The following RBM19 variants were observed in gnomAD, a reference collection of about 807,000 sequenced individuals.
The protein encoded by RBM19 is RNA binding motif protein 19.
In RBM19, 94 loss-of-function variants were observed where a neutral mutation model predicts 116.8. That is an observed-to-expected ratio of 0.80 (90% CI 0.68 to 0.95). RBM19 has a LOEUF of 0.95. Among genes scored for constraint, RBM19 ranks in the 40% least tolerant of loss-of-function variants. The pLI, the probability that RBM19 is intolerant of heterozygous loss-of-function variation, is 0.00. For synonymous variants in RBM19, 475 were observed against 494.1 expected (o/e 0.96, Z 0.51); for missense variants, 1,161 against 1,220.7 (o/e 0.95, Z 0.73).
At chr12:113,913,455 T>C (rs148957524) in intron 21 of RBM19, among the ~76,000 whole-genome samples, 1 of 152,312 alleles carries the variant, frequency 6.6e-6, no homozygotes, top group East Asian at 1.9e-4. Context: ...AAGATCCTGC[T>C]TCCCAGATAC....
chr12:113,919,224 C>T (rs1433503870), intron 19 of RBM19, among the ~76,000 whole-genome samples: 1 of 152,206 alleles, frequency 6.6e-6, no homozygotes, highest in African/African-American at 2.4e-5. Flanking sequence ...TGAAGGCCAT[C>T]CTAGGCACCA....
chr12:113,924,104 G>A (rs1427206608), intron 18 of RBM19, among the ~76,000 whole-genome samples: 8 of 152,238 alleles, frequency 5.3e-5, no homozygotes, highest in Admixed American at 5.2e-4. Flanking sequence ...CAGGGCTGGA[G>A]CCCAGCAGAG....
At chr12:113,820,363 GGCGCCAC>G (rs1874332706), downstream of RBM19, among the ~76,000 whole-genome samples, 1 of 151,974 alleles carries the variant, frequency 6.6e-6, no homozygotes, top group Admixed American at 6.6e-5. Context: ...AAAATAAAAA[GGCGCCAC>G]GCAGGAAGAA....
intron 21 of RBM19, among the ~76,000 whole-genome samples, chr12:113,872,286 T>C (rs1300016560): frequency 7.0e-6 from 1 of 143,218 alleles, no homozygotes; most frequent in African/African-American, 2.6e-5. Context: ...ACCCTCTGCC[T>C]GGCAACCACC....
intron 23 of RBM19, among the ~76,000 whole-genome samples, chr12:113,828,510 C>T (rs974497612): frequency 6.7e-6 from 1 of 149,838 alleles, no homozygotes; most frequent in Non-Finnish European, 1.5e-5. Context: ...GGGTGAAGGG[C>T]AGGGGGCGGG....
At chr12:113,849,010 A>C (rs567885202) in intron 22 of RBM19, among the ~76,000 whole-genome samples, 81 of 152,312 alleles carry the variant, frequency 5.3e-4, no homozygotes, top group African/African-American at 1.9e-3. Flanking sequence ...TGGGAAACTG[A>C]GGCACTGGCC....
chr12:113,849,910 CA>C (rs1470678436), intron 22 of RBM19, among the ~76,000 whole-genome samples: 4 of 152,122 alleles, frequency 2.6e-5, no homozygotes, highest in African/African-American at 9.7e-5. Context: ...TGAGGTGAAG[CA>C]AATGGGTGGC....
chr12:113,858,702 T>C, intron 22 of RBM19, 89 bp downstream of exon 22: 1 of 1,240,654 alleles, frequency 8.1e-7, no homozygotes, highest in Non-Finnish European at 1.2e-6. Flanking sequence ...GAGGTGACTC[T>C]GTGTGTGTTA....
chr12:113,819,359 A>T (rs1874270243), downstream of RBM19, among the ~76,000 whole-genome samples: 1 of 151,632 alleles, frequency 6.6e-6, no homozygotes, highest in Non-Finnish European at 1.5e-5. Flanking sequence ...CTCCTTTCCT[A>T]CGCAAGTGCT....
chr12:113,862,167 T>A (rs1593498677), intron 21 of RBM19, among the ~76,000 whole-genome samples: 1 of 152,348 alleles, frequency 6.6e-6, no homozygotes, highest in Non-Finnish European at 1.5e-5. Context: ...GCTGCCATCA[T>A]TTCCGCTACC....
chr12:113,962,041 C>A (rs566619418), intron 2 of RBM19, among the ~76,000 whole-genome samples, 191 bp downstream of exon 2: 1 of 152,178 alleles, frequency 6.6e-6, no homozygotes, highest in African/African-American at 2.4e-5. Context: ...GCTCTGGGGA[C>A]GGGCCCAGGA....
chr12:113,819,734 C>T (rs181860184), downstream of RBM19, among the ~76,000 whole-genome samples: 6 of 152,300 alleles, frequency 3.9e-5, no homozygotes, highest in African/African-American at 1.2e-4. Context: ...GTTCAACCCC[C>T]ACATGCTGGA....
intron 23 of RBM19, among the ~76,000 whole-genome samples, chr12:113,823,553 T>G (rs1593445082): frequency 6.8e-6 from 1 of 147,592 alleles, no homozygotes. Context: ...AGATAAGGAG[T>G]AGGGGAGAGA....
intron 21 of RBM19, among the ~76,000 whole-genome samples, chr12:113,894,968 A>G (rs574916917): frequency 6.6e-6 from 1 of 152,332 alleles, no homozygotes. Context: ...CCAGAGGACA[A>G]GGCCCATCGC....
rs115442847 is a variant in RBM19 at position 113,865,644 on chromosome 12, A to G, written c.2559-6748T>C. Reference sequence around the variant, plus strand: ...CTCATGCATTATCTCATATAACTGTATGTTCTTGTGGAAGCATAGTCACAC... The same window carrying G: ...CTCATGCATTATCTCATATAACTGTGTGTTCTTGTGGAAGCATAGTCACAC... On this transcript the variant is annotated intron_variant, in intron 21 of 23. Coordinates refer to ENST00000261741, the MANE Select transcript of RBM19 (RefSeq NM_016196.4). Among the ~76,000 whole-genome samples the G allele has an allele frequency of 2.8e-3, 421 of 152,278 alleles. 6 individuals carry two copies. The highest frequency in any genetic ancestry group is 9.8e-3 in the African/African-American group (406 of 41,542).
At chr12:113,925,177 G>C (rs1868956358) in intron 17 of RBM19, among the ~76,000 whole-genome samples, 1 of 152,088 alleles carries the variant, frequency 6.6e-6, no homozygotes, top group East Asian at 1.9e-4. Context: ...TGTCTCCTTT[G>C]CTAGAATTTG....
intron 23 of RBM19, among the ~76,000 whole-genome samples, chr12:113,841,207 A>G (rs1185594716): frequency 3.3e-5 from 5 of 152,298 alleles, no homozygotes; most frequent in African/African-American, 1.2e-4. Context: ...TGAAACATGC[A>G]CATAACAGGG....
At chr12:113,834,258 T>TTGAA (rs368089143) in intron 23 of RBM19, among the ~76,000 whole-genome samples, 10 of 152,118 alleles carry the variant, frequency 6.6e-5, no homozygotes, top group Admixed American at 1.3e-4. Flanking sequence ...TGAAGAACTG[T>TTGAA]TGAATGAATG....
chr12:113,879,446 T>TATATATATATATATATATATATATATAC (rs893952657), intron 21 of RBM19, among the ~76,000 whole-genome samples: 8 of 142,322 alleles, frequency 5.6e-5, no homozygotes, highest in East Asian at 6.0e-4. Context: ...TATATATATA[T>TATATATATATATATATATATATATATAC]ATATGGACTT....
Sources: allele counts gnomAD v4.1 joint callset (sites outside exome capture counted in the v4.1 genomes callset), GRCh38; gene constraint gnomAD v4.1.1; transcripts MANE v1.5; gene names NCBI Gene and HGNC (gene_info 2026-07-23, HGNC 2026-07-21).